SSH2: variants seen among roughly 807,000 people sequenced by gnomAD.
The protein encoded by SSH2 is slingshot protein phosphatase 2, also known as protein phosphatase Slingshot homolog 2.
Under a neutral mutation model 135.2 loss-of-function variants are expected in SSH2, and 37 were observed. The ratio of observed to expected loss-of-function variants is 0.27; its 90% CI spans 0.21 to 0.36. The LOEUF (loss-of-function observed/expected upper bound fraction) is 0.36, where lower values mean the gene tolerates loss of function less well. Ranked by LOEUF, SSH2 falls within the 10% of genes least tolerant of loss-of-function variation. The pLI is 1.00. For missense variants in SSH2, 1,408 were observed against 1,765.3 expected (o/e 0.80, Z 3.63); for synonymous variants, 628 against 646.2 (o/e 0.97, Z 0.43).
chr17:29,848,745 GATAAA>G (rs2065491995), intron 2 of SSH2, 99 bp downstream of exon 2: 1 of 703,300 alleles, frequency 1.4e-6, no homozygotes, highest in Admixed American at 2.7e-5. Context: ...GGGTCAAATA[GATAAA>G]ATAATAGGCA....
intron 4 of SSH2, among the ~76,000 whole-genome samples, chr17:29,697,490 T>C (rs887923148): frequency 1.3e-5 from 2 of 152,180 alleles, no homozygotes; most frequent in African/African-American, 4.8e-5. Context: ...TCTGAAAGCC[T>C]TTCCTTTCTT....
intron 5 of SSH2, among the ~76,000 whole-genome samples, chr17:29,690,527 A>G (rs1342226205): frequency 1.3e-5 from 2 of 152,078 alleles, no homozygotes; most frequent in African/African-American, 4.8e-5. Context: ...TACATTATAA[A>G]GGCCCAATGT....
intron 1 of SSH2, chr17:29,863,593 C>T (rs969674499): frequency 4.6e-5 from 7 of 152,146 alleles, no homozygotes; most frequent in Non-Finnish European, 8.8e-5. Flanking sequence ...GGCCCAAGGA[C>T]AAAAGGAAGC....
chr17:29,842,448 A>G (rs1416209677), intron 2 of SSH2, among the ~76,000 whole-genome samples: 1 of 128,846 alleles, frequency 7.8e-6, no homozygotes, highest in Non-Finnish European at 1.7e-5. Flanking sequence ...AGTGAGACTC[A>G]GTGTCAAAAA....
At chr17:29,686,227 ATATAT>A (rs1183087844) in intron 5 of SSH2, among the ~76,000 whole-genome samples, 1 of 152,178 alleles carries the variant, frequency 6.6e-6, no homozygotes, top group Non-Finnish European at 1.5e-5. Flanking sequence ...TTTATTACAC[ATATAT>A]TATATATACA....
chr17:29,731,955 TA>T (rs2040214643), intron 3 of SSH2, among the ~76,000 whole-genome samples: 1 of 152,000 alleles, frequency 6.6e-6, no homozygotes, highest in Non-Finnish European at 1.5e-5. Flanking sequence ...GCTGGTCAAT[TA>T]AAAAAGAAAG....
intron 3 of SSH2, among the ~76,000 whole-genome samples, chr17:29,737,100 A>C (rs1462427553): frequency 1.4e-4 from 5 of 34,772 alleles, no homozygotes; most frequent in African/African-American, 1.2e-3. Context: ...CTCTGTCTCA[A>C]AAAAAAAAAA....
intron 14 of SSH2, among the ~76,000 whole-genome samples, chr17:29,642,568 AC>A (rs575171210): frequency 2.4e-4 from 35 of 147,324 alleles, no homozygotes; most frequent in East Asian, 4.0e-4. Flanking sequence ...CACAGACACC[AC>A]CCCCCCCACC....
intron 2 of SSH2, among the ~76,000 whole-genome samples, chr17:29,824,610 C>G (rs1267826745): frequency 6.6e-6 from 1 of 152,112 alleles, no homozygotes; most frequent in Non-Finnish European, 1.5e-5. Flanking sequence ...GTCAGTTTCC[C>G]TTGAGGTATT....
chr17:29,725,347 CAAA>C (rs11449000), intron 3 of SSH2, among the ~76,000 whole-genome samples: 4 of 52,782 alleles, frequency 7.6e-5, no homozygotes, highest in African/African-American at 1.7e-4. Flanking sequence ...AATCAGTCTC[CAAA>C]AAAAAAAAAA....
chr17:29,798,044 T>C (rs942777927), intron 2 of SSH2, among the ~76,000 whole-genome samples: 2 of 152,186 alleles, frequency 1.3e-5, no homozygotes, highest in Non-Finnish European at 2.9e-5. Context: ...TTTACACCGC[T>C]TTATACCCTC....
chr17:29,796,781 C>T lies in SSH2; in HGVS notation c.145-2844G>A, dbSNP rs73263652. On this transcript the variant is annotated intron_variant, in intron 2 of 15. Transcript: ENST00000540801. ...AAATGCATAATAATTAATTAGAATT[C>T]AGTATTTCTTTATAGTTTTTTCCTT... Among the ~76,000 whole-genome samples the T allele has an allele frequency of 1.8e-3, 271 of 151,476 alleles. 3 individuals are homozygous for T. Among genetic ancestry groups the T allele is most frequent in the African/African-American group, 5.8e-3 (239 of 41,352 alleles).
chr17:29,810,065 C>G (rs945284495), intron 2 of SSH2, among the ~76,000 whole-genome samples: 1 of 152,154 alleles, frequency 6.6e-6, no homozygotes, highest in African/African-American at 2.4e-5. Flanking sequence ...CTGCTGTATA[C>G]TCAGCACCTA....
At chr17:29,736,796 A>AG (rs1216476909) in intron 3 of SSH2, among the ~76,000 whole-genome samples, 2 of 130,238 alleles carry the variant, frequency 1.5e-5, no homozygotes, top group African/African-American at 5.9e-5. Flanking sequence ...CAAAAAAAAA[A>AG]AAAAAAAAAA....
chr17:29,731,845 A>C (rs1203107839), intron 3 of SSH2, among the ~76,000 whole-genome samples: 1 of 152,154 alleles, frequency 6.6e-6, no homozygotes, highest in African/African-American at 2.4e-5. Flanking sequence ...TTAGTAATGA[A>C]ATGATTAATT....
intron 1 of SSH2, among the ~76,000 whole-genome samples, chr17:29,893,363 T>C (rs1380545405): frequency 2.0e-5 from 3 of 152,058 alleles, no homozygotes; most frequent in African/African-American, 7.2e-5. Flanking sequence ...TGAAACTTAA[T>C]CACCAACATG....
At chr17:29,800,565 C>T (rs1319434848) in intron 2 of SSH2, among the ~76,000 whole-genome samples, 1 of 152,050 alleles carries the variant, frequency 6.6e-6, no homozygotes, top group Non-Finnish European at 1.5e-5. Context: ...GTAGAGACAG[C>T]TCTTAGTTTC....
intron 1 of SSH2, among the ~76,000 whole-genome samples, chr17:29,867,933 T>C (rs1411916671): frequency 1.3e-5 from 2 of 152,056 alleles, no homozygotes; most frequent in African/African-American, 4.8e-5. Flanking sequence ...GTAAAGTGAG[T>C]GATGGTCTTA....
chr17:29,819,691 T>C (rs1188092166), intron 2 of SSH2, among the ~76,000 whole-genome samples: 1 of 152,240 alleles, frequency 6.6e-6, no homozygotes, highest in Non-Finnish European at 1.5e-5. Flanking sequence ...CCAAAGTGCT[T>C]CCACAGAGAC....
Sources: allele counts gnomAD v4.1 joint callset (sites outside exome capture counted in the v4.1 genomes callset), GRCh38; gene constraint gnomAD v4.1.1; transcripts MANE v1.5; gene names NCBI Gene and HGNC (gene_info 2026-07-23, HGNC 2026-07-21).